EHMT2: variants seen among roughly 807,000 people sequenced by gnomAD.
EHMT2 encodes the protein euchromatic histone lysine methyltransferase 2.
EHMT2 carries 59 observed loss-of-function variants against 143.3 expected under a neutral mutation model. The observed-to-expected ratio is 0.41, with a 90% CI of 0.33 to 0.51. The LOEUF is 0.51. Among genes scored for constraint, EHMT2 ranks in the 20% least tolerant of loss-of-function variants. The pLI, the probability that EHMT2 is intolerant of heterozygous loss-of-function variation, is 0.18. For synonymous variants in EHMT2, 604 were observed against 651.5 expected, an observed-to-expected ratio of 0.93 and a Z score of 1.11; for missense variants, 1,174 against 1,645.9, an observed-to-expected ratio of 0.71 and a Z score of 4.96.
In EHMT2 at chr6:31,887,851, G is replaced by A; in HGVS notation, c.1856C>T (p.Ser619Leu). The A allele has an allele frequency of 1.9e-6, 3 of 1,611,234 alleles. 1 individual carries two copies. The highest frequency in any genetic ancestry group is 2.2e-5 in the South Asian group (2 of 91,020). The change falls in exon 14 of 28, where the codon TCA becomes TTA. Residue 619 changes from serine (S) to leucine (L), a missense_variant. This residue lies in a region of EHMT2 where 608 missense variants were observed against 903.7 expected (regional missense o/e 0.67). Coordinates refer to ENST00000375537, the Ensembl canonical transcript of EHMT2. Reference sequence around the variant, plus strand: ...TGGCCCCAGTGGCAGCCCCACGGCTGAAAGGCAGCCCCCATTGGGCAGGGT... The same window carrying A: ...TGGCCCCAGTGGCAGCCCCACGGCTAAAAGGCAGCCCCCATTGGGCAGGGT...
intron 1 of EHMT2, 23 bp downstream of exon 1, chr6:31,897,613 C>T (rs1298520617): frequency 1.7e-6 from 2 of 1,144,462 alleles, no homozygotes; most frequent in Non-Finnish European, 2.1e-6. Context: ...CATGCACCCG[C>T]CTCTCCCCCT....
upstream of EHMT2, chr6:31,897,698 G>A (rs1766768418): frequency 3.8e-6 from 4 of 1,063,014 alleles, no homozygotes; most frequent in Admixed American, 4.7e-5. Flanking sequence ...GCTGGGGGCC[G>A]AGCCGGCGCG....
Position 31,884,743 on chromosome 6 carries a change from T to G in EHMT2, c.2505A>C (p.Glu835Asp), listed in dbSNP as rs1004668261. Residue 835 changes from glutamate to aspartate, a missense_variant, in exon 20 of 28, where the codon GAA becomes GAC. Physicochemically the swap from Glu to Asp is conservative, Grantham distance 45. Transcript: ENST00000375537. This position sits in a 1 kb window ranked among gnomAD's most constrained non-coding sequence, Gnocchi z 7.3. ...GGTCACAGCGCGCATTCAGAAGGAC[T>G]TCGGCGATGGCGGCGCTGCCCGTGA... 2.5e-6 allele frequency: 4 copies of G among 1,602,598 alleles called. No individual in the cohort carries two copies. Among genetic ancestry groups the G allele is most frequent in the Non-Finnish European group, 2.6e-6 (3 of 1,174,928 alleles).
At chr6:31,897,033 G>C in intron 1 of EHMT2, 44 bp from the exon 2 acceptor site, 1 of 1,523,348 alleles carries the variant, frequency 6.6e-7, no homozygotes, top group Non-Finnish European at 8.8e-7. Flanking sequence ...CAGCCCAGTA[G>C]AGAGTTGGGG....
chr6:31,887,865 A>G (rs1765089664), exon 14 of EHMT2: 1 of 1,611,684 alleles, frequency 6.2e-7, no homozygotes, highest in African/African-American at 1.3e-5. Context: ...GGCAGCCCCC[A>G]TTGGGCAGGG....
Position 31,884,729 on chromosome 6 carries a change from G to C in EHMT2, c.2519C>G (p.Ala840Gly). ...GTTGACAGCATGGAGGTCACAGCGC[G>C]CATTCAGAAGGACTTCGGCGATGGC... The change falls in exon 20 of 28, where the codon GCG becomes GGG. Residue 840 changes from alanine to glycine, a missense_variant. Coordinates refer to ENST00000375537, the Ensembl canonical transcript of EHMT2. The surrounding 1 kb of genome is among the most constrained non-coding windows in gnomAD (Gnocchi z 7.3). 6.3e-7 allele frequency: 1 copy of C among 1,599,526 alleles called. No homozygotes were observed. Among genetic ancestry groups the C allele is most frequent in the Non-Finnish European group, 8.5e-7 (1 of 1,173,122 alleles).
At chr6:31,897,553 AC>A in intron 1 of EHMT2, 82 bp downstream of exon 1, 2 of 1,032,546 alleles carry the variant, frequency 1.9e-6, no homozygotes, top group Non-Finnish European at 2.3e-6. Context: ...GCCCCGTTGC[AC>A]CCCCGGAGCA....
At chr6:31,885,917 T>A (rs1184626622) in intron 18 of EHMT2, 1 of 151,888 alleles carries the variant, frequency 6.6e-6, no homozygotes, top group Admixed American at 6.6e-5. Flanking sequence ...TGAAACCCCG[T>A]CTCTACTAAA....
At chr6:31,886,096 A>G (rs610265) in intron 18 of EHMT2, 11,756 of 155,490 alleles carry the variant, frequency 0.076, 523 homozygotes, top group South Asian at 0.11. Flanking sequence ...CAAAAAAAAA[A>G]AAAAAAGTTT....
intron 4 of EHMT2, 68 bp from the exon 5 acceptor site, chr6:31,892,978 GC>G: frequency 9.3e-7 from 1 of 1,076,370 alleles, no homozygotes; most frequent in Middle Eastern, 2.4e-4. Flanking sequence ...TTAGCCTGGA[GC>G]CCCAGGCGGG....
chr6:31,881,005 C>T lies in EHMT2; in HGVS notation c.3276+9G>A. On this transcript the variant is annotated intron_variant, in intron 26 of 27. Coordinates refer to ENST00000375537, the Ensembl canonical transcript of EHMT2. The surrounding 1 kb of genome is among the most constrained non-coding windows in gnomAD (Gnocchi z 4.8). ...GGGAGCAGCAGGGTAAGGAGGGTCT[C>T]CTGCTCACCTTGTTGTCTAAGTCGA... is the stretch of plus-strand genomic sequence containing the variant. 6.2e-7 allele frequency: 1 copy of T among 1,612,640 alleles called. No homozygotes were observed. Among genetic ancestry groups the T allele is most frequent in the Non-Finnish European group, 8.5e-7 (1 of 1,179,794 alleles).
chr6:31,882,568 A>C (rs1224674926), intron 25 of EHMT2, 131 bp downstream of exon 25: 1 of 897,470 alleles, frequency 1.1e-6, no homozygotes, highest in South Asian at 1.6e-5. Context: ...GGGTCAGAGG[A>C]GGCTGGCTGG....
intron 7 of EHMT2, among the ~76,000 whole-genome samples, chr6:31,890,443 G>A (rs1281453883): frequency 6.6e-6 from 1 of 151,852 alleles, no homozygotes; most frequent in African/African-American, 2.4e-5. Flanking sequence ...TTTTATTAGA[G>A]ATGTGTTTTC....
chr6:31,896,109 G>A, intron 4 of EHMT2, 154 bp downstream of exon 4: 2 of 1,060,696 alleles, frequency 1.9e-6, no homozygotes, highest in South Asian at 1.9e-5. Flanking sequence ...CCTGTCTGTT[G>A]GTTCACAGAT....
In EHMT2 at chr6:31,882,532, G is replaced by A. The variant is rs991819721; in HGVS notation, c.3197+167C>T. 25 of 695,628 alleles carry A rather than the reference G, an allele frequency of 3.6e-5. 1 individual carries two copies. The highest frequency in any genetic ancestry group is 3.8e-4 in the Middle Eastern group (1 of 2,602). The allele number at this position is 695,628 out of a possible 1,614,324, so 43.1% of individuals were successfully genotyped here. A position where few individuals can be genotyped will look rare whatever the true frequency, so the allele number is the denominator to read the frequency against. ...AGCTGGGGGGATGGGGGTCAGAGGC[G>A]GCTGGCTGCTCAGCTGCAGGAATAG... On this transcript the variant is annotated intron_variant, in intron 25 of 27. Transcript: ENST00000375537.
chr6:31,886,389 T>A, intron 18 of EHMT2, 192 bp downstream of exon 18: 1 of 603,940 alleles, frequency 1.7e-6, no homozygotes, highest in South Asian at 2.1e-5. Context: ...CTGATTATTC[T>A]GAAACTTGAT....
At position 31,888,980 on chromosome 6, in the gene EHMT2, G is replaced by T. The variant is rs891945582; in HGVS notation, c.1205C>A (p.Pro402His). 3 of 1,599,638 alleles carry T rather than the reference G, an allele frequency of 1.9e-6. No homozygotes were observed. Among genetic ancestry groups the T allele is most frequent in the Non-Finnish European group, 1.7e-6 (2 of 1,175,180 alleles). ...CAATTGGCAATTACCAGCGTGGTTGGGGGAGAGGGTCCCCTCGCTGGGCAG... is the reference window on the plus strand; with the variant it reads ...CAATTGGCAATTACCAGCGTGGTTGTGGGAGAGGGTCCCCTCGCTGGGCAG... Residue 402 changes from proline (P) to histidine (H), a missense_variant, in exon 10 of 28, where the codon CCC (proline) becomes CAC (histidine). Transcript: ENST00000375537. The surrounding 1 kb of genome is among the most constrained non-coding windows in gnomAD (Gnocchi z 7.4).
intron 1 of EHMT2, 172 bp from the exon 2 acceptor site, chr6:31,897,161 C>T: frequency 1.5e-6 from 2 of 1,345,706 alleles, no homozygotes; most frequent in Non-Finnish European, 1.9e-6. Flanking sequence ...GACCCCTCCC[C>T]CGGGCCCGCA....
rs775829775 is a variant in EHMT2 at position 31,880,785 on chromosome 6, G to A, written c.3340C>T (p.Leu1114=). The A allele has an allele frequency of 6.2e-7, 1 of 1,613,994 alleles. No homozygotes were observed. The highest frequency in any genetic ancestry group is 8.5e-7 in the Non-Finnish European group (1 of 1,180,026). Residue 1114 remains leucine, a synonymous_variant, in exon 27 of 28, where the codon CTG becomes TTG. Coordinates refer to ENST00000375537, the Ensembl canonical transcript of EHMT2. The surrounding 1 kb of genome is among the most constrained non-coding windows in gnomAD (Gnocchi z 6.6). ...ACGGGAATGATGTTGGGGTCACACAGGTGGTTGATGAAGCGGCTGATGTTG... is the reference window on the plus strand; with the variant it reads ...ACGGGAATGATGTTGGGGTCACACAAGTGGTTGATGAAGCGGCTGATGTTG...
Sources: gnomAD v4.1 joint callset for allele counts (sites outside exome capture counted in the v4.1 genomes callset) on GRCh38, gnomAD v4.1.1 for gene constraint, gnomAD v4.1.1 regional missense constraint, Gnocchi (gnomAD v3.1) non-coding constraint, MANE v1.5 for transcripts, NCBI Gene and HGNC (gene_info 2026-07-23, HGNC 2026-07-21) for gene names.